The following PTTG1IP variants were observed in gnomAD, a reference collection of about 807,000 sequenced individuals.
PTTG1IP encodes PTTG1 interacting protein.
Under a neutral mutation model 24.4 loss-of-function variants are expected in PTTG1IP, and 16 were observed. The observed-to-expected ratio is 0.66, with a 90% CI of 0.44 to 1.00. The LOEUF (loss-of-function observed/expected upper bound fraction) is 1.00, where lower values mean the gene tolerates loss of function less well. Among genes scored for constraint, PTTG1IP ranks in the 50% least tolerant of loss-of-function variants. PTTG1IP has a pLI of 0.00. For synonymous variants in PTTG1IP, 89 were observed against 96.8 expected (o/e 0.92, Z 0.47); for missense variants, 241 against 245.8 (o/e 0.98, Z 0.13).
chr21:44,863,885 G>A (rs187730712), intron 2 of PTTG1IP, among the ~76,000 whole-genome samples: 2 of 152,302 alleles, frequency 1.3e-5, no homozygotes, highest in East Asian at 1.9e-4. Flanking sequence ...CTACGGTCTC[G>A]TGGAGGAAGA....
intron 3 of PTTG1IP, among the ~76,000 whole-genome samples, chr21:44,860,960 C>A (rs112534355): frequency 6.6e-6 from 1 of 152,078 alleles, no homozygotes; most frequent in African/African-American, 2.4e-5. Context: ...CATGCCACCA[C>A]GCCCACCTAA....
chr21:44,858,104 G>T (rs1036852772), intron 3 of PTTG1IP, among the ~76,000 whole-genome samples: 2 of 152,236 alleles, frequency 1.3e-5, no homozygotes, highest in African/African-American at 2.4e-5. Flanking sequence ...TAAAACCCAT[G>T]AACTTGAACT....
chr21:44,854,593 A>C lies in PTTG1IP; in HGVS notation c.496+617T>G, dbSNP rs1035475965. On this transcript the variant is annotated intron_variant, in intron 5 of 5. Coordinates refer to ENST00000330938, the MANE Select transcript of PTTG1IP (RefSeq NM_004339.4). The stretch of plus-strand genomic sequence containing the variant: ...TGGTGGTGTTCAGTGTTAAGCAGTG[A>C]ACATCACGTGGTTTGGGGGAGTATA... 5.3e-5 allele frequency among the ~76,000 whole-genome samples: 8 copies of C among 152,258 alleles called. 1 individual carries two copies. The East Asian group carries it at 1.5e-3, about 29-fold the overall frequency.
intron 4 of PTTG1IP, among the ~76,000 whole-genome samples, chr21:44,855,769 AGCCCCAGC>A (rs1474840099): frequency 1.3e-5 from 2 of 152,128 alleles, no homozygotes; most frequent in East Asian, 3.9e-4. Context: ...GTTGCCCCAG[AGCCCCAGC>A]AAGCACTCAG....
chr21:44,866,209 AACACAC>A (rs35473745), intron 1 of PTTG1IP, among the ~76,000 whole-genome samples: 3 of 124,490 alleles, frequency 2.4e-5, no homozygotes, highest in South Asian at 2.7e-4. Flanking sequence ...CCAATCCTGT[AACACAC>A]ACACACACAC....
chr21:44,868,028 A>C (rs1022059451), intron 1 of PTTG1IP, among the ~76,000 whole-genome samples: 37 of 152,228 alleles, frequency 2.4e-4, no homozygotes, highest in African/African-American at 7.2e-4. Flanking sequence ...CAGAGTCTCT[A>C]GCGATGTGCT....
At chr21:44,861,376 G>C in intron 2 of PTTG1IP, 105 bp from the exon 3 acceptor site, 1 of 926,850 alleles carries the variant, frequency 1.1e-6, no homozygotes, top group Non-Finnish European at 1.7e-6. Context: ...TCTGTGGATG[G>C]CTGTAAAGGC....
At position 44,861,155 on chromosome 21, in the gene PTTG1IP, T is replaced by C. The variant is rs763682648; in HGVS notation, c.277+8A>G. 1.9e-6 allele frequency: 3 copies of C among 1,604,372 alleles called. No homozygotes were observed. The highest frequency in any genetic ancestry group is 1.7e-4 in the Middle Eastern group (1 of 6,032). On this transcript the variant is annotated splice_region_variant and intron_variant, in intron 3 of 5. Coordinates refer to ENST00000330938, the MANE Select transcript of PTTG1IP (RefSeq NM_004339.4). ...TTTTGCAAGCAGCAAATGAAAACAA[T>C]GACTTACCCCAACAAACTCCCCAGC...
At chr21:44,851,810 C>T (rs945717985) in intron 5 of PTTG1IP, among the ~76,000 whole-genome samples, 183 bp from the exon 6 acceptor site, 2 of 152,176 alleles carry the variant, frequency 1.3e-5, no homozygotes, top group Admixed American at 1.3e-4. Context: ...AACTTTAAAA[C>T]TGAAATAAAA....
Position 44,873,600 on chromosome 21 carries a change from G to A in PTTG1IP, c.17C>T (p.Ala6Val). The change falls in exon 1 of 6, where the codon GCC (alanine) becomes GTC (valine). Residue 6 changes from alanine (A) to valine (V), a missense_variant. Physicochemically the swap from Ala to Val is moderately conservative, Grantham distance 64. Transcript: ENST00000330938. Reference sequence around the variant, plus strand: ...CCTCCAGTACGGCGTCGGCCCGCGGGCCACTCCGGGCGCCATGGTCGGCCG... The same window carrying A: ...CCTCCAGTACGGCGTCGGCCCGCGGACCACTCCGGGCGCCATGGTCGGCCG... MAPGVARGPTPYWRLR... is the reference protein window; with the variant it reads MAPGVVRGPTPYWRLR... 1.4e-6 allele frequency: 2 copies of A among 1,444,346 alleles called. No individual in the cohort carries two copies. Among genetic ancestry groups the A allele is most frequent in the Non-Finnish European group, 1.8e-6 (2 of 1,100,966 alleles). 89.5% of individuals were successfully genotyped at this position (1,444,346 alleles called of 1,614,324 possible). A position where few individuals can be genotyped will look rare whatever the true frequency, so the allele number is the denominator to read the frequency against.
At chr21:44,857,745 G>A (rs2083459986) in intron 3 of PTTG1IP, among the ~76,000 whole-genome samples, 1 of 152,322 alleles carries the variant, frequency 6.6e-6, no homozygotes, top group South Asian at 2.1e-4. Flanking sequence ...GCTGAGATCC[G>A]CATTTCTTAG....
chr21:44,865,901 G>A (rs2083532759), intron 1 of PTTG1IP: 1 of 250,054 alleles, frequency 4.0e-6, no homozygotes, highest in Non-Finnish European at 7.9e-6. Flanking sequence ...CAGCACACTT[G>A]TGTCTTTGGA....
intron 2 of PTTG1IP, among the ~76,000 whole-genome samples, chr21:44,864,482 C>T (rs992218127): frequency 6.6e-6 from 1 of 152,208 alleles, no homozygotes; most frequent in Admixed American, 6.5e-5. Context: ...CTGCAACCTC[C>T]GACTTCCGGT....
At chr21:44,853,311 T>G (rs1345593448) in intron 5 of PTTG1IP, among the ~76,000 whole-genome samples, 1 of 152,070 alleles carries the variant, frequency 6.6e-6, no homozygotes, top group Non-Finnish European at 1.5e-5. Context: ...ATTGAGACCA[T>G]CCTGGCTAAC....
chr21:44,854,700 A>G (rs1459059068), intron 5 of PTTG1IP, among the ~76,000 whole-genome samples: 1 of 152,242 alleles, frequency 6.6e-6, no homozygotes, highest in African/African-American at 2.4e-5. Flanking sequence ...TGGCTCCTTC[A>G]AAGCTCCTCT....
At position 44,850,783 on chromosome 21, in the gene PTTG1IP, C is replaced by T. The variant is rs1338794014; in HGVS notation, c.*798G>A. On this transcript the variant is annotated 3_prime_UTR_variant, in exon 6 of 6. Transcript: ENST00000330938. Reference sequence around the variant, plus strand: ...CCTCCCCACACCGCTGGCACACGAGCAGTCAACTGGTGCTGCTGAGGCAGG... The same window carrying T: ...CCTCCCCACACCGCTGGCACACGAGTAGTCAACTGGTGCTGCTGAGGCAGG... 6.6e-6 allele frequency: 1 copy of T among 152,600 alleles called. No homozygotes were observed. Among genetic ancestry groups the T allele is most frequent in the African/African-American group, 2.4e-5 (1 of 41,466 alleles). The allele number at this position is 152,600 out of a possible 1,614,324, so 9.5% of individuals were successfully genotyped here.
At chr21:44,853,179 CGT>C (rs1299893539) in intron 5 of PTTG1IP, among the ~76,000 whole-genome samples, 5 of 152,226 alleles carry the variant, frequency 3.3e-5, no homozygotes, top group South Asian at 2.1e-4. Flanking sequence ...TGCGCGTGTG[CGT>C]GTGTGTGTAT....
intron 4 of PTTG1IP, among the ~76,000 whole-genome samples, 154 bp from the exon 5 acceptor site, chr21:44,855,410 G>A (rs2083442000): frequency 6.6e-6 from 1 of 152,074 alleles, no homozygotes; most frequent in Non-Finnish European, 1.5e-5. Flanking sequence ...GGACAAGCTT[G>A]GTCATCAGGC....
chr21:44,856,415 C>T (rs746023536), intron 3 of PTTG1IP, 51 bp from the exon 4 acceptor site: 14 of 1,558,708 alleles, frequency 9.0e-6, no homozygotes, highest in African/African-American at 2.7e-5. Flanking sequence ...CAGAACCCAC[C>T]CAGCACAGCA....
Sources: allele counts gnomAD v4.1 joint callset (sites outside exome capture counted in the v4.1 genomes callset), GRCh38; gene constraint gnomAD v4.1.1; transcripts MANE v1.5; gene names NCBI Gene and HGNC (gene_info 2026-07-23, HGNC 2026-07-21).